SLC35E3: variants seen among roughly 807,000 people sequenced by gnomAD.
SLC35E3 encodes the protein solute carrier family 35 member E3.
Under a neutral mutation model 30.8 loss-of-function variants are expected in SLC35E3, and 28 were observed. The observed-to-expected ratio is 0.91, with a 90% CI of 0.67 to 1.25. The LOEUF is 1.25. Ranked by LOEUF, SLC35E3 falls within the 50% of genes most tolerant of loss-of-function variation. The probability of loss-of-function intolerance (pLI) is 0.00; values close to 1 mark genes in which losing one functional copy is unlikely to be tolerated. For missense variants in SLC35E3, 365 were observed against 375.4 expected (o/e 0.97, Z 0.23); for synonymous variants, 146 against 149.2 (o/e 0.98, Z 0.16).
At chr12:68,757,084 C>T (rs189812049) in intron 3 of SLC35E3, among the ~76,000 whole-genome samples, 5 of 152,292 alleles carry the variant, frequency 3.3e-5, no homozygotes, top group East Asian at 1.9e-4. Context: ...AATTCAGCAT[C>T]GCTTTATGAT....
intron 3 of SLC35E3, among the ~76,000 whole-genome samples, chr12:68,758,729 CTTTTTTTTTTTTTTTTTT>C (rs776771224): frequency 2.1e-5 from 1 of 48,378 alleles, no homozygotes; most frequent in African/African-American, 8.1e-5. Flanking sequence ...AATTCTCTTT[CTTTTTTTTTTTTTTTTTT>C]TTTTTTTTTT....
chr12:68,758,392 C>T (rs1879108117), intron 3 of SLC35E3, among the ~76,000 whole-genome samples: 1 of 151,802 alleles, frequency 6.6e-6, no homozygotes, highest in Non-Finnish European at 1.5e-5. Flanking sequence ...TGCACTCCAG[C>T]CTGGGTGACA....
chr12:68,761,150 C>A (rs1305439456), intron 4 of SLC35E3, among the ~76,000 whole-genome samples: 1 of 152,150 alleles, frequency 6.6e-6, no homozygotes, highest in African/African-American at 2.4e-5. Flanking sequence ...TAACACAGAA[C>A]TGAATTGAGT....
chr12:68,754,131 C>T (rs773145156), intron 3 of SLC35E3, among the ~76,000 whole-genome samples: 2 of 152,070 alleles, frequency 1.3e-5, no homozygotes, highest in Non-Finnish European at 2.9e-5. Context: ...AGTCATGAGC[C>T]ACCGTGTCCG....
chr12:68,772,101 A>G lies in SLC35E3; in HGVS notation c.*7211A>G, dbSNP rs567773520. On this transcript the variant is annotated 3_prime_UTR_variant, in exon 5 of 5. Transcript: ENST00000398004. ...CTCCCAGGCTTGGTTGTTGTGGCTCAATCTCAGTTCACTGCAACCTCCGCC... is the reference window on the plus strand; with the variant it reads ...CTCCCAGGCTTGGTTGTTGTGGCTCGATCTCAGTTCACTGCAACCTCCGCC... 2 of 151,700 alleles carry G rather than the reference A, an allele frequency of 1.3e-5. No homozygotes were observed. The highest frequency in any genetic ancestry group is 4.8e-5 in the African/African-American group (2 of 41,254). The allele number at this position is 151,700 out of a possible 1,614,324, so 9.4% of individuals were successfully genotyped here.
At chr12:68,749,444 T>G (rs1878710933) in intron 2 of SLC35E3, among the ~76,000 whole-genome samples, 1 of 152,254 alleles carries the variant, frequency 6.6e-6, no homozygotes, top group Admixed American at 6.5e-5. Flanking sequence ...TAGCTTGAGT[T>G]GTAGAAAGAT....
In SLC35E3 at chr12:68,747,914, C is replaced by A; in HGVS notation, c.403-16C>A. 2 of 1,321,450 alleles carry A rather than the reference C, an allele frequency of 1.5e-6. No homozygotes were observed. The highest frequency in any genetic ancestry group is 1.8e-5 in the Admixed American group (1 of 56,786). The allele number at this position is 1,321,450 out of a possible 1,614,324, so 81.9% of individuals were successfully genotyped here. On this transcript the variant is annotated splice_polypyrimidine_tract_variant and intron_variant, in intron 1 of 4. Coordinates refer to ENST00000398004, the MANE Select transcript of SLC35E3 (RefSeq NM_018656.5). The stretch of plus-strand genomic sequence containing the variant: ...TGAATTTAATCTGAACAACATTTAC[C>A]TCTTTTTCGTTACAGATTCCTATAA...
In SLC35E3 at chr12:68,767,024, C is replaced by G. The variant is rs769610270; in HGVS notation, c.*2134C>G. 3.5e-5 allele frequency: 6 copies of G among 169,218 alleles called. No individual in the cohort carries two copies. Among genetic ancestry groups the G allele is most frequent in the Non-Finnish European group, 5.2e-5 (4 of 77,088 alleles). 10.5% of individuals were successfully genotyped at this position (169,218 alleles called of 1,614,324 possible). A position where few individuals can be genotyped will look rare whatever the true frequency, so the allele number is the denominator to read the frequency against. ...ACTACATCCAACCTTTCTAAGGTGG[C>G]TGGGGAAAATTCTTGTACAGCAAGT... On this transcript the variant is annotated 3_prime_UTR_variant, in exon 5 of 5. Coordinates refer to ENST00000398004, the MANE Select transcript of SLC35E3 (RefSeq NM_018656.5).
chr12:68,753,835 C>CACA (rs71091554), intron 3 of SLC35E3, among the ~76,000 whole-genome samples: 2 of 146,370 alleles, frequency 1.4e-5, no homozygotes, highest in African/African-American at 5.2e-5. Flanking sequence ...CACACACACA[C>CACA]CCCAATTAAA....
At position 68,752,086 on chromosome 12, in the gene SLC35E3, T is replaced by C. The variant is rs767173913; in HGVS notation, c.568T>C (p.Tyr190His). 6.2e-7 allele frequency: 1 copy of C among 1,613,510 alleles called. No individual in the cohort carries two copies. Among genetic ancestry groups the C allele is most frequent in the Non-Finnish European group, 8.5e-7 (1 of 1,179,878 alleles). The change falls in exon 3 of 5, where the codon TAC becomes CAC. Residue 190 changes from tyrosine to histidine, a missense_variant. Physicochemically the swap from Tyr to His is moderately conservative, Grantham distance 83 (BLOSUM62 2). Transcript: ENST00000398004. Reference protein sequence around the residue: ...LQVNSMQLLYYQAPMSSAMLL... With the variant: ...LQVNSMQLLYHQAPMSSAMLL... ...AGTGAACTCAATGCAGCTGCTGTACTACCAGGCTCCGATGTCATCTGCCAT... is the reference window on the plus strand; with the variant it reads ...AGTGAACTCAATGCAGCTGCTGTACCACCAGGCTCCGATGTCATCTGCCAT...
chr12:68,748,367 TCTTTA>T lies in SLC35E3; in HGVS notation c.513+332_513+336del, dbSNP rs1312396672. Among the ~76,000 whole-genome samples the T allele has an allele frequency of 2.0e-5, 3 of 152,206 alleles. No homozygotes were observed. In the East Asian group the frequency reaches 5.8e-4, roughly 29 times the overall value. ...TAAGTTTGTTATGTTTTCTGTTTAC[TCTTTA>T]CTTTTAACATTGTTGTGAAGGAGTG... On this transcript the variant is annotated intron_variant, in intron 2 of 4. Coordinates refer to ENST00000398004, the MANE Select transcript of SLC35E3 (RefSeq NM_018656.5).
At chr12:68,751,151 TC>T (rs1878776277) in intron 2 of SLC35E3, among the ~76,000 whole-genome samples, 1 of 152,082 alleles carries the variant, frequency 6.6e-6, no homozygotes. Flanking sequence ...AGAAAAGTCA[TC>T]CAGAGAGAGG....
chr12:68,747,259 T>A (rs1196800251), intron 1 of SLC35E3, among the ~76,000 whole-genome samples: 1 of 142,062 alleles, frequency 7.0e-6, no homozygotes, highest in Non-Finnish European at 1.6e-5. Flanking sequence ...TTATTTAAGG[T>A]CTTTTTCTTT....
chr12:68,752,194 A>G lies in SLC35E3; in HGVS notation c.672+4A>G, dbSNP rs374846477. 6 of 1,599,448 alleles carry G rather than the reference A, an allele frequency of 3.8e-6. No homozygotes were observed. In the African/African-American group the frequency reaches 8.1e-5, roughly 22 times the overall value. ...TCCCTGGTCAGTTTCTGCTTTGGTA[A>G]GTTCTAATTGTTTTGATATCTAAGA... is the stretch of plus-strand genomic sequence containing the variant. On this transcript the variant is annotated splice_donor_region_variant and intron_variant, in intron 3 of 4. Transcript: ENST00000398004.
intron 3 of SLC35E3, among the ~76,000 whole-genome samples, chr12:68,752,948 C>G (rs1878858519): frequency 6.6e-6 from 1 of 152,148 alleles, no homozygotes; most frequent in Non-Finnish European, 1.5e-5. Context: ...GAGTTCAAGA[C>G]CAGCCTGGCC....
Position 68,775,213 on chromosome 12 carries a change from G to A in SLC35E3, c.*10323G>A, listed in dbSNP as rs1879707741. On this transcript the variant is annotated 3_prime_UTR_variant, in exon 5 of 5. Coordinates refer to ENST00000398004, the MANE Select transcript of SLC35E3 (RefSeq NM_018656.5). The stretch of plus-strand genomic sequence containing the variant: ...CAATGAGCATTTGGGGTAAAAAGGG[G>A]CAAGAATGGAGGACCTGCTCTGTCT... 1 of 152,172 alleles carries A rather than the reference G, an allele frequency of 6.6e-6. No homozygotes were observed. The highest frequency in any genetic ancestry group is 2.1e-4 in the South Asian group (1 of 4,816). 9.4% of individuals were successfully genotyped at this position (152,172 alleles called of 1,614,324 possible).
rs377632438 is a variant in SLC35E3, at chr12:68,764,687, T to G, written c.756-17T>G. ...TCTATCTTGTTATTCCTTTTTATCC[T>G]TATCCAAAAACCTCAGCTATAACAT... On this transcript the variant is annotated splice_polypyrimidine_tract_variant and intron_variant, in intron 4 of 4. Transcript: ENST00000398004. 6.2e-7 allele frequency: 1 copy of G among 1,610,394 alleles called. No homozygotes were observed. The highest frequency in any genetic ancestry group is 8.5e-7 in the Non-Finnish European group (1 of 1,177,698).
At chr12:68,750,123 A>G (rs982263184) in intron 2 of SLC35E3, among the ~76,000 whole-genome samples, 1 of 152,144 alleles carries the variant, frequency 6.6e-6, no homozygotes, top group African/African-American at 2.4e-5. Context: ...TTTGGGGAAC[A>G]TAGGAGAACC....
chr12:68,754,180 C>T (rs1878918132), intron 3 of SLC35E3, among the ~76,000 whole-genome samples: 1 of 152,012 alleles, frequency 6.6e-6, no homozygotes, highest in African/African-American at 2.4e-5. Flanking sequence ...AATCCTATTA[C>T]ATATGCTTTT....
Sources: gnomAD v4.1 joint callset for allele counts (sites outside exome capture counted in the v4.1 genomes callset) on GRCh38, gnomAD v4.1.1 for gene constraint, MANE v1.5 for transcripts, NCBI Gene and HGNC (gene_info 2026-07-23, HGNC 2026-07-21) for gene names.